LOC400499: variants seen among roughly 807,000 people sequenced by gnomAD.
At chr16:11,518,578 G>A in the LOC400499 span, among the ~76,000 whole-genome samples, 1 of 152,048 alleles carries the variant, frequency 6.6e-6, no homozygotes, top group East Asian at 1.9e-4. Context: ...CATGCTGGGG[G>A]TCACAGGCAG....
At chr16:11,406,504 C>T in the LOC400499 span, among the ~76,000 whole-genome samples, 1 of 152,248 alleles carries the variant, frequency 6.6e-6, no homozygotes, top group Admixed American at 6.5e-5. Context: ...GCAATCTCGG[C>T]TCACTGCAAC....
At chr16:11,476,625 C>G in the LOC400499 span, 3 of 391,136 alleles carry the variant, frequency 7.7e-6, no homozygotes, top group African/African-American at 4.5e-5. Context: ...ATGTCACATC[C>G]ACACCCATGC....
the LOC400499 span, among the ~76,000 whole-genome samples, chr16:11,424,851 T>TG: frequency 2.0e-5 from 3 of 151,802 alleles, no homozygotes; most frequent in Admixed American, 6.6e-5. Flanking sequence ...TCCCAGGGAA[T>TG]TGGGGGTGGG....
At chr16:11,446,031 G>T in the LOC400499 span, among the ~76,000 whole-genome samples, 4 of 151,958 alleles carry the variant, frequency 2.6e-5, no homozygotes, top group Admixed American at 2.6e-4. Context: ...CACCATGTTG[G>T]CCAGGATGGT....
At chr16:11,423,590 C>A in the LOC400499 span, among the ~76,000 whole-genome samples, 1 of 152,216 alleles carries the variant, frequency 6.6e-6, no homozygotes, top group Non-Finnish European at 1.5e-5. Context: ...ACACAGTCAG[C>A]GACGGTGCAG....
the LOC400499 span, chr16:11,372,578 C>T: frequency 3.6e-5 from 7 of 194,598 alleles, no homozygotes; most frequent in South Asian, 1.8e-4. Flanking sequence ...GCCCTGCTTC[C>T]GTGCGTTTGC....
the LOC400499 span, among the ~76,000 whole-genome samples, chr16:11,500,506 G>A: frequency 3.8e-4 from 24 of 63,886 alleles, no homozygotes; most frequent in Admixed American, 1.1e-3. Context: ...GCAAGACTCC[G>A]TCCTAAATAA....
the LOC400499 span, chr16:11,460,888 C>A: frequency 1.4e-6 from 2 of 1,441,878 alleles, no homozygotes; most frequent in Non-Finnish European, 1.8e-6. Flanking sequence ...TCTCAGCTCA[C>A]GGAGCCACAG....
chr16:11,484,997 T>A, the LOC400499 span: 10 of 399,000 alleles, frequency 2.5e-5, no homozygotes, highest in Non-Finnish European at 3.1e-5. Context: ...CTCTCTCCCG[T>A]CTTCCTGACC....
chr16:11,435,526 A>T, the LOC400499 span: 1 of 397,810 alleles, frequency 2.5e-6, no homozygotes, highest in African/African-American at 2.1e-5. Context: ...CAGTGGCACC[A>T]ATGGGGCTGA....
chr16:11,457,193 CAAG>C, the LOC400499 span: 4 of 655,958 alleles, frequency 6.1e-6, no homozygotes, highest in African/African-American at 5.5e-5. Context: ...AAACAAAAAA[CAAG>C]GAGCGTTGGT....
the LOC400499 span, among the ~76,000 whole-genome samples, chr16:11,444,918 CTAAAAA>C: frequency 3.6e-4 from 55 of 152,048 alleles, no homozygotes; most frequent in Non-Finnish European, 6.8e-4. Flanking sequence ...TCTGTCTCTA[CTAAAAA>C]TAAAAATAAA....
the LOC400499 span, among the ~76,000 whole-genome samples, chr16:11,510,001 C>T: frequency 2.7e-5 from 4 of 150,726 alleles, no homozygotes; most frequent in Non-Finnish European, 5.9e-5. Flanking sequence ...CCATGTCACA[C>T]ATCACCTTGT....
At chr16:11,393,519 C>T in the LOC400499 span, 15 of 1,232,386 alleles carry the variant, frequency 1.2e-5, no homozygotes, top group East Asian at 9.5e-5. Flanking sequence ...GGTGGAGACA[C>T]GGCCCAGTAG....
the LOC400499 span, among the ~76,000 whole-genome samples, chr16:11,486,248 T>G: frequency 2.7e-5 from 3 of 111,342 alleles, no homozygotes; most frequent in Admixed American, 9.4e-5. Flanking sequence ...GTAAATGGAT[T>G]GAGTGAATAG....
At chr16:11,483,499 T>C in the LOC400499 span, among the ~76,000 whole-genome samples, 31 of 152,132 alleles carry the variant, frequency 2.0e-4, no homozygotes, top group Non-Finnish European at 2.9e-4. Context: ...TTATAACCTA[T>C]AGCATGGGTG....
chr16:11,455,202 G>A, the LOC400499 span, among the ~76,000 whole-genome samples: 1 of 152,134 alleles, frequency 6.6e-6, no homozygotes, highest in Non-Finnish European at 1.5e-5. Context: ...AGTTATAATT[G>A]GGTAAGCATC....
the LOC400499 span, among the ~76,000 whole-genome samples, chr16:11,424,712 G>A: frequency 2.6e-5 from 4 of 152,118 alleles, no homozygotes; most frequent in Non-Finnish European, 5.9e-5. Context: ...TGCACCTGGG[G>A]GCCCCTCCAG....
At chr16:11,452,045 C>T in the LOC400499 span, among the ~76,000 whole-genome samples, 5 of 152,242 alleles carry the variant, frequency 3.3e-5, no homozygotes, top group Admixed American at 1.3e-4. Context: ...CTATGTATAG[C>T]GCCTCTTTCC....
Sources: gnomAD v4.1 joint callset for allele counts (sites outside exome capture counted in the v4.1 genomes callset) on GRCh38, gnomAD v4.1.1 for gene constraint, MANE v1.5 for transcripts.